ADGRA2: variants seen among roughly 807,000 people sequenced by gnomAD.
ADGRA2 encodes the protein adhesion G protein-coupled receptor A2.
ADGRA2 carries 61 observed loss-of-function variants against 98.7 expected under a neutral mutation model. The observed-to-expected ratio is 0.62, with a 90% CI of 0.50 to 0.76. ADGRA2 has a LOEUF of 0.76. ADGRA2 is among the 30% of genes least tolerant of loss of function. The pLI, the probability that ADGRA2 is intolerant of heterozygous loss-of-function variation, is 0.00. For missense variants in ADGRA2, 1,712 were observed against 1,860.0 expected (o/e 0.92, Z 1.46); for synonymous variants, 858 against 831.5 (o/e 1.03, Z -0.55).
chr8:37,831,661 C>A, intron 8 of ADGRA2, 74 bp downstream of exon 8: 10 of 1,343,986 alleles, frequency 7.4e-6, no homozygotes, highest in East Asian at 2.4e-5. Flanking sequence ...CACAGGTGGC[C>A]AGAGTTTCCC....
rs530892647 is a variant in ADGRA2, at chr8:37,839,051, C to T, written c.2355C>T (p.Phe785=). The T allele has an allele frequency of 3.4e-5, 55 of 1,609,256 alleles. No individual in the cohort carries two copies. The highest frequency in any genetic ancestry group is 2.4e-4 in the African/African-American group (18 of 74,998). The part of the protein sequence containing the change: ...PCTALLLLCL[F]ATIITYILNH... ...CGGCCTTGCTGCTGCTCTGCCTCTTCGCCACCATCATCACCTACATCCTCA... is the reference window on the plus strand; with the variant it reads ...CGGCCTTGCTGCTGCTCTGCCTCTTTGCCACCATCATCACCTACATCCTCA... The change falls in exon 15 of 19, where the codon TTC becomes TTT. Residue 785 remains phenylalanine, a synonymous_variant. Coordinates refer to ENST00000412232, the MANE Select transcript of ADGRA2 (RefSeq NM_032777.10).
At chr8:37,822,623 C>T (rs889517938) in intron 2 of ADGRA2, among the ~76,000 whole-genome samples, 1 of 152,182 alleles carries the variant, frequency 6.6e-6, no homozygotes, top group African/African-American at 2.4e-5. Flanking sequence ...CATTCCTCCA[C>T]CCCCTCTTCC....
rs756407996 is a variant in ADGRA2, at chr8:37,835,279, C to G, written c.1714C>G (p.Arg572Gly). 3 of 1,613,408 alleles carry G rather than the reference C, an allele frequency of 1.9e-6. No individual in the cohort carries two copies. The highest frequency in any genetic ancestry group is 3.3e-5 in the Admixed American group (2 of 59,996). Residue 572 changes from arginine (R) to glycine (G), a missense_variant, in exon 12 of 19, where the codon CGG becomes GGG. Arg to Gly is a moderately radical substitution (Grantham distance 125). Transcript: ENST00000412232. ...GAGGGAGGGAGGGGTGCCGGGCACA[C>G]GGCCAGGAAGCCCTGGCCAGAACCC... The part of the protein sequence containing the change: ...QRREGGVPGT[R>G]PGSPGQNPPP...
At chr8:37,800,982 C>T (rs1239927242) in intron 1 of ADGRA2, among the ~76,000 whole-genome samples, 1 of 152,128 alleles carries the variant, frequency 6.6e-6, no homozygotes, top group African/African-American at 2.4e-5. Flanking sequence ...GGCCCCGGGG[C>T]ACTCAGGATT....
At chr8:37,821,154 C>G (rs540330341) in intron 2 of ADGRA2, among the ~76,000 whole-genome samples, 1 of 152,148 alleles carries the variant, frequency 6.6e-6, no homozygotes, top group African/African-American at 2.4e-5. Flanking sequence ...GATGAAAGAG[C>G]GCTGGACTCC....
At chr8:37,813,993 C>T (rs1453817801) in intron 1 of ADGRA2, among the ~76,000 whole-genome samples, 1 of 152,226 alleles carries the variant, frequency 6.6e-6, no homozygotes, top group Non-Finnish European at 1.5e-5. Context: ...GTTCTCTACC[C>T]TTGAGACCAA....
chr8:37,837,164 T>G (rs1179117476), intron 13 of ADGRA2, among the ~76,000 whole-genome samples: 1 of 152,192 alleles, frequency 6.6e-6, no homozygotes, highest in Non-Finnish European at 1.5e-5. Flanking sequence ...GCGAGGCCTT[T>G]CCCGAAAACC....
At chr8:37,821,811 C>T (rs976633905) in intron 2 of ADGRA2, among the ~76,000 whole-genome samples, 4 of 152,262 alleles carry the variant, frequency 2.6e-5, no homozygotes, top group Middle Eastern at 3.4e-3. Flanking sequence ...GGTGCTGAGG[C>T]GCTCATTAGA....
intron 2 of ADGRA2, among the ~76,000 whole-genome samples, chr8:37,828,525 C>G (rs1399916703): frequency 3.2e-5 from 4 of 124,890 alleles, no homozygotes; most frequent in Non-Finnish European, 6.3e-5. Flanking sequence ...CTCGCTCTGT[C>G]GCCCAGGCTG....
rs781307380 is a variant in ADGRA2 at position 37,841,668 on chromosome 8, C to A, written c.3330C>A (p.Phe1110Leu). Reference protein sequence around the residue: ...PAAAEDGSPVFGEGPPSLKSS... With the variant: ...PAAAEDGSPVLGEGPPSLKSS... ...CCGCAGAGGACGGTTCCCCGGTGTTCGGGGAGGGCCCCCCCTCCCTCAAGT... is the reference window on the plus strand; with the variant it reads ...CCGCAGAGGACGGTTCCCCGGTGTTAGGGGAGGGCCCCCCCTCCCTCAAGT... The change falls in exon 19 of 19, where the codon TTC becomes TTA. Residue 1110 changes from phenylalanine (F) to leucine (L), a missense_variant. Phe to Leu is a conservative substitution (Grantham distance 22). Transcript: ENST00000412232. This position sits in a 1 kb window ranked among gnomAD's most constrained non-coding sequence, Gnocchi z 5.0. 1.3e-6 allele frequency: 2 copies of A among 1,527,952 alleles called. No individual in the cohort carries two copies. The highest frequency in any genetic ancestry group is 1.8e-6 in the Non-Finnish European group (2 of 1,136,994). 94.6% of individuals were successfully genotyped at this position (1,527,952 alleles called of 1,614,324 possible).
chr8:37,812,056 C>T (rs965188874), intron 1 of ADGRA2, among the ~76,000 whole-genome samples: 2 of 151,374 alleles, frequency 1.3e-5, no homozygotes, highest in Non-Finnish European at 2.9e-5. Context: ...GAGCCGACAT[C>T]GTGCCATTGC....
chr8:37,797,010 C>A lies in ADGRA2; in HGVS notation c.-259C>A. On this transcript the variant is annotated 5_prime_UTR_variant, in exon 1 of 19. It adds an upstream start codon to the 5' untranslated region. Transcript: ENST00000412232. This position sits in a 1 kb window ranked among gnomAD's most constrained non-coding sequence, Gnocchi z 5.3. ...CCTCCAGTGTCCCGAGGGCCGGGCGCTGAGACTCCGGCCGCGCAGCTGGGA... is the reference window on the plus strand; with the variant it reads ...CCTCCAGTGTCCCGAGGGCCGGGCGATGAGACTCCGGCCGCGCAGCTGGGA... 1 of 175,172 alleles carries A rather than the reference C, an allele frequency of 5.7e-6. No individual in the cohort carries two copies. The highest frequency in any genetic ancestry group is 1.2e-5 in the Non-Finnish European group (1 of 83,950). 10.9% of individuals were successfully genotyped at this position (175,172 alleles called of 1,614,324 possible).
chr8:37,830,903 C>A lies in ADGRA2; in HGVS notation c.912C>A (p.His304Gln). 1 of 1,581,188 alleles carries A rather than the reference C, an allele frequency of 6.3e-7. No homozygotes were observed. Among genetic ancestry groups the A allele is most frequent in the Non-Finnish European group, 8.6e-7 (1 of 1,163,256 alleles). Residue 304 changes from histidine to glutamine, a missense_variant, in exon 7 of 19, where the codon CAC becomes CAA. Physicochemically the swap from His to Gln is conservative, Grantham distance 24 (BLOSUM62 0). Transcript: ENST00000412232. This position sits in a 1 kb window ranked among gnomAD's most constrained non-coding sequence, Gnocchi z 4.8. ...AGILLAESLI[H>Q]DCTFITSELT... Reference sequence around the variant, plus strand: ...TCCTCCTGGCCGAGAGCCTCATCCACGACTGCACCTTCATCACCAGGTATG... The same window carrying A: ...TCCTCCTGGCCGAGAGCCTCATCCAAGACTGCACCTTCATCACCAGGTATG...
At chr8:37,815,811 TACAATCCAGGG>T (rs1804963139) in intron 2 of ADGRA2, among the ~76,000 whole-genome samples, 1 of 152,148 alleles carries the variant, frequency 6.6e-6, no homozygotes, top group Non-Finnish European at 1.5e-5. Flanking sequence ...GCTCCGTCGG[TACAATCCAGGG>T]ACCACAGCCT....
At chr8:37,809,977 T>C (rs896357315) in intron 1 of ADGRA2, among the ~76,000 whole-genome samples, 7 of 152,202 alleles carry the variant, frequency 4.6e-5, no homozygotes, top group African/African-American at 7.2e-5. Context: ...GTCGCTCTGC[T>C]GCCGCCCTGC....
At chr8:37,816,910 T>C (rs1000240904) in intron 2 of ADGRA2, among the ~76,000 whole-genome samples, 4 of 137,348 alleles carry the variant, frequency 2.9e-5, no homozygotes, top group Non-Finnish European at 4.6e-5. Context: ...AGCAAGACTG[T>C]CTCAAAAAGA....
chr8:37,812,850 A>T (rs1261060579), intron 1 of ADGRA2, among the ~76,000 whole-genome samples: 2 of 151,190 alleles, frequency 1.3e-5, no homozygotes, highest in Non-Finnish European at 2.9e-5. Flanking sequence ...TTTTATTTTT[A>T]TTTATTTATT....
In ADGRA2 at chr8:37,825,662, T is replaced by C. The variant is rs77465205; in HGVS notation, c.339-3226T>C. ...GCCTTCGTAGATCTTCAAAAGGATGTGCTAAGAAAAAAAAGGCTCAAAACA... is the reference window on the plus strand; with the variant it reads ...GCCTTCGTAGATCTTCAAAAGGATGCGCTAAGAAAAAAAAGGCTCAAAACA... On this transcript the variant is annotated intron_variant, in intron 2 of 18. Transcript: ENST00000412232. Among the ~76,000 whole-genome samples, 1,471 of 152,030 alleles carry C rather than the reference T, an allele frequency of 9.7e-3. 27 individuals carry two copies. The highest frequency in any genetic ancestry group is 0.034 in the African/African-American group (1,391 of 41,468).
At chr8:37,817,091 C>T (rs540071807) in intron 2 of ADGRA2, among the ~76,000 whole-genome samples, 15 of 152,264 alleles carry the variant, frequency 9.9e-5, no homozygotes, top group African/African-American at 3.6e-4. Context: ...CTCATCATGA[C>T]AGCAGCCTCG....
Sources: gnomAD v4.1 joint callset for allele counts (sites outside exome capture counted in the v4.1 genomes callset) on GRCh38, gnomAD v4.1.1 for gene constraint, Gnocchi (gnomAD v3.1) non-coding constraint, MANE v1.5 for transcripts, NCBI Gene and HGNC (gene_info 2026-07-23, HGNC 2026-07-21) for gene names.